The following CPA6 variants were observed in gnomAD, a reference collection of about 807,000 sequenced individuals.
The protein encoded by CPA6 is carboxypeptidase B.
A neutral mutation model predicts 63.3 loss-of-function variants in CPA6; 58 were observed. The ratio of observed to expected loss-of-function variants is 0.92; its 90% confidence interval spans 0.74 to 1.14. CPA6 has a LOEUF of 1.14. CPA6 is among the 50% of genes most tolerant of loss of function. CPA6 has a pLI of 0.00. For missense variants in CPA6, 565 were observed against 526.6 expected, an observed-to-expected ratio of 1.07 and a Z score of -0.71; for synonymous variants, 185 against 179.0, an observed-to-expected ratio of 1.03 and a Z score of -0.27.
intron 1 of CPA6, among the ~76,000 whole-genome samples, chr8:67,741,554 C>T (rs1817912951): frequency 6.6e-6 from 1 of 152,172 alleles, no homozygotes; most frequent in Admixed American, 6.5e-5. Flanking sequence ...CAGCTGCTAC[C>T]CATTGCTTGC....
At chr8:67,649,936 G>C (rs950521400) in intron 1 of CPA6, among the ~76,000 whole-genome samples, 1 of 152,148 alleles carries the variant, frequency 6.6e-6, no homozygotes, top group Non-Finnish European at 1.5e-5. Context: ...CCAGTTGAAG[G>C]GAAACGAGGA....
intron 2 of CPA6, among the ~76,000 whole-genome samples, chr8:67,529,754 C>T (rs1812438586): frequency 6.6e-6 from 1 of 152,038 alleles, no homozygotes. Context: ...AAATACCTCC[C>T]CTCAAAGAAG....
At chr8:67,711,569 G>A (rs1253913048) in intron 1 of CPA6, among the ~76,000 whole-genome samples, 1 of 152,114 alleles carries the variant, frequency 6.6e-6, no homozygotes, top group African/African-American at 2.4e-5. Flanking sequence ...GAGGCTCTTG[G>A]TTGGGGTGGG....
At chr8:67,713,749 G>T (rs1817321526) in intron 1 of CPA6, among the ~76,000 whole-genome samples, 1 of 152,108 alleles carries the variant, frequency 6.6e-6, no homozygotes, top group Non-Finnish European at 1.5e-5. Flanking sequence ...CCTCCAAATG[G>T]CCTCATTTAG....
At chr8:67,435,006 G>T (rs1383204958) in intron 8 of CPA6, among the ~76,000 whole-genome samples, 1 of 152,194 alleles carries the variant, frequency 6.6e-6, no homozygotes. Flanking sequence ...GAGAGCTCCT[G>T]GTGTCAAGGA....
At chr8:67,483,515 A>G in intron 8 of CPA6, 1 of 535,780 alleles carries the variant, frequency 1.9e-6, no homozygotes. Context: ...CTGCTTTTAC[A>G]TATGTATTTA....
At chr8:67,673,784 A>AT (rs1356496179) in intron 1 of CPA6, among the ~76,000 whole-genome samples, 1 of 152,140 alleles carries the variant, frequency 6.6e-6, no homozygotes, top group Admixed American at 6.5e-5. Flanking sequence ...TTTAACAAAT[A>AT]TTTTTTAAAT....
At chr8:67,562,583 G>A (rs748045139) in intron 2 of CPA6, among the ~76,000 whole-genome samples, 14 of 152,284 alleles carry the variant, frequency 9.2e-5, no homozygotes, top group Middle Eastern at 3.4e-3. Context: ...TAACCCCCAA[G>A]GTGATGGTAT....
chr8:67,431,168 T>C (rs1368010739), intron 9 of CPA6, among the ~76,000 whole-genome samples: 1 of 152,094 alleles, frequency 6.6e-6, no homozygotes, highest in Non-Finnish European at 1.5e-5. Flanking sequence ...TTATGCCACA[T>C]GTTCCAATCC....
intron 6 of CPA6, among the ~76,000 whole-genome samples, chr8:67,494,716 T>C (rs1252111855): frequency 6.6e-6 from 1 of 152,210 alleles, no homozygotes; most frequent in Non-Finnish European, 1.5e-5. Flanking sequence ...ATCCTAAATA[T>C]AGCTATTACT....
intron 2 of CPA6, among the ~76,000 whole-genome samples, chr8:67,606,411 C>T (rs977052596): frequency 9.9e-5 from 15 of 152,080 alleles, no homozygotes; most frequent in Admixed American, 3.9e-4. Context: ...CTTTTACTCA[C>T]TATATATCTG....
rs561507060 is a variant in CPA6 at position 67,661,553 on chromosome 8, A to G, written c.117-37302T>C. 2.6e-5 allele frequency among the ~76,000 whole-genome samples: 4 copies of G among 152,330 alleles called. No individual in the cohort carries two copies. In the South Asian group the frequency reaches 8.3e-4, roughly 32 times the overall value. The stretch of plus-strand genomic sequence containing the variant: ...CCCACAGCAGGTTCCCTCAAAGCTC[A>G]AGTATCCAATGAGTCCTTTGGATCC... On this transcript the variant is annotated intron_variant, in intron 1 of 10. Transcript: ENST00000297770.
intron 3 of CPA6, among the ~76,000 whole-genome samples, chr8:67,513,498 GA>G (rs202085313): frequency 2.0e-5 from 3 of 150,282 alleles, no homozygotes; most frequent in East Asian, 3.9e-4. Context: ...AGAAACTAAG[GA>G]AAAAAAAATG....
intron 1 of CPA6, among the ~76,000 whole-genome samples, chr8:67,686,127 C>A (rs1816704600): frequency 7.4e-6 from 1 of 135,358 alleles, no homozygotes; most frequent in Non-Finnish European, 1.6e-5. Flanking sequence ...TGACCAGAAC[C>A]CCATTTTCCT....
intron 2 of CPA6, among the ~76,000 whole-genome samples, chr8:67,605,531 C>CTTTT (rs68153641): frequency 8.0e-6 from 1 of 125,268 alleles, no homozygotes; most frequent in Admixed American, 8.2e-5. Context: ...TATTGTATTG[C>CTTTT]TTTTTTTTTT....
intron 2 of CPA6, among the ~76,000 whole-genome samples, chr8:67,556,047 C>A (rs1813052453): frequency 6.6e-6 from 1 of 152,166 alleles, no homozygotes; most frequent in African/African-American, 2.4e-5. Flanking sequence ...TTCCTTCAGC[C>A]TGGGCCCCAG....
At chr8:67,614,338 C>T (rs1814887362) in intron 2 of CPA6, among the ~76,000 whole-genome samples, 1 of 152,180 alleles carries the variant, frequency 6.6e-6, no homozygotes, top group Non-Finnish European at 1.5e-5. Flanking sequence ...GGGAACTCTC[C>T]CTTTCATCAG....
intron 6 of CPA6, among the ~76,000 whole-genome samples, chr8:67,500,936 C>G (rs1296779526): frequency 6.6e-6 from 1 of 151,882 alleles, no homozygotes; most frequent in Non-Finnish European, 1.5e-5. Flanking sequence ...ATTCTTTCAC[C>G]AATACCACAC....
intron 6 of CPA6, among the ~76,000 whole-genome samples, chr8:67,497,981 C>G (rs1811756702): frequency 6.6e-6 from 1 of 152,062 alleles, no homozygotes; most frequent in Non-Finnish European, 1.5e-5. Context: ...ATTTAATTTT[C>G]AAGTCCATTA....
Sources: allele counts gnomAD v4.1 joint callset (sites outside exome capture counted in the v4.1 genomes callset), GRCh38; gene constraint gnomAD v4.1.1; transcripts MANE v1.5; gene names NCBI Gene and HGNC (gene_info 2026-07-23, HGNC 2026-07-21).